The following LRRIQ3 variants were observed in gnomAD, a reference collection of about 807,000 sequenced individuals.
LRRIQ3 encodes the protein leucine-rich repeat and IQ domain-containing protein 3.
Under a neutral mutation model 59.3 loss-of-function variants are expected in LRRIQ3, and 75 were observed. That is an observed-to-expected ratio of 1.26 (90% CI 1.05 to 1.53). LRRIQ3 has a LOEUF of 1.53. Ranked by LOEUF, LRRIQ3 falls within the 40% of genes most tolerant of loss-of-function variation. The pLI is 0.00. For missense variants in LRRIQ3, 831 were observed against 710.0 expected (o/e 1.17, Z -1.94); for synonymous variants, 250 against 231.3 (o/e 1.08, Z -0.73).
chr1:74,191,213 T>C (rs749483833), intron 1 of LRRIQ3, among the ~76,000 whole-genome samples: 13 of 152,124 alleles, frequency 8.5e-5, no homozygotes, highest in Non-Finnish European at 1.8e-4. Context: ...AATTATTCTT[T>C]AAAAGTGAAA....
chr1:74,052,112 A>C (rs957981524), intron 6 of LRRIQ3, among the ~76,000 whole-genome samples: 2 of 152,038 alleles, frequency 1.3e-5, no homozygotes, highest in East Asian at 1.9e-4. Context: ...TAAGATCAGG[A>C]TCTTAATTTG....
At chr1:74,183,400 G>A (rs369447615) in intron 2 of LRRIQ3, 36 bp downstream of exon 2, 146 of 1,493,420 alleles carry the variant, frequency 9.8e-5, no homozygotes, top group East Asian at 4.9e-4. Flanking sequence ...CTGAAATTTC[G>A]TTTATATGCA....
intron 5 of LRRIQ3, among the ~76,000 whole-genome samples, chr1:74,075,562 G>A (rs886572651): frequency 6.0e-5 from 9 of 150,160 alleles, no homozygotes; most frequent in East Asian, 5.9e-4. Context: ...GCGAGACTCC[G>A]TCTCAGAAAA....
At chr1:74,126,367 C>T (rs1372988630) in intron 4 of LRRIQ3, among the ~76,000 whole-genome samples, 1 of 151,656 alleles carries the variant, frequency 6.6e-6, no homozygotes, top group Admixed American at 6.6e-5. Flanking sequence ...CTGCTCTGAT[C>T]TTTATTACGA....
chr1:74,081,909 A>G (rs1407864655), intron 5 of LRRIQ3: 1 of 151,438 alleles, frequency 6.6e-6, no homozygotes, highest in African/African-American at 2.4e-5. Flanking sequence ...AGTTATGTCC[A>G]TTGCTCACCC....
At position 74,055,103 on chromosome 1, in the gene LRRIQ3, A is replaced by AC. The variant is rs1234584882; in HGVS notation, c.998-13171dup. Among the ~76,000 whole-genome samples, 11 of 148,260 alleles carry AC rather than the reference A, an allele frequency of 7.4e-5. No homozygotes were observed. The South Asian group carries it at 2.3e-3, about 31-fold the overall frequency. ...CTTTGCCACTTTTTATCACAGAATA[A>AC]CACAACCATCATGACATGTATGCAC... is the stretch of plus-strand genomic sequence containing the variant. On this transcript the variant is annotated intron_variant, in intron 6 of 7. Coordinates refer to ENST00000354431, the MANE Select transcript of LRRIQ3 (RefSeq NM_001105659.2).
At chr1:74,179,196 A>G (rs191194758) in intron 3 of LRRIQ3, among the ~76,000 whole-genome samples, 1 of 152,168 alleles carries the variant, frequency 6.6e-6, no homozygotes, top group African/African-American at 2.4e-5. Context: ...CTTCTATGAT[A>G]TGATTTTAGA....
chr1:74,128,012 T>C (rs1322722414), intron 4 of LRRIQ3, among the ~76,000 whole-genome samples: 1 of 152,056 alleles, frequency 6.6e-6, no homozygotes, highest in Admixed American at 6.6e-5. Context: ...ACAGCTTTTT[T>C]TCCTTCAGCA....
intron 4 of LRRIQ3, among the ~76,000 whole-genome samples, chr1:74,124,522 G>A (rs948683233): frequency 2.6e-5 from 4 of 151,880 alleles, no homozygotes; most frequent in Non-Finnish European, 5.9e-5. Context: ...AATCCATTTT[G>A]ATGTGATTTT....
chr1:74,063,138 A>G (rs1286347531), intron 6 of LRRIQ3, among the ~76,000 whole-genome samples: 1 of 151,450 alleles, frequency 6.6e-6, no homozygotes, highest in Non-Finnish European at 1.5e-5. Flanking sequence ...AACAACAACA[A>G]CAACAACAAC....
rs1648279930 is a variant in LRRIQ3 at position 74,155,746 on chromosome 1, T to G, written c.694A>C (p.Arg232=). 1.3e-6 allele frequency: 2 copies of G among 1,570,066 alleles called. No individual in the cohort carries two copies. The highest frequency in any genetic ancestry group is 4.2e-5 in the Admixed American group (2 of 47,462). The change falls in exon 4 of 8, where the codon AGA becomes CGA. Residue 232 remains arginine (R), a synonymous_variant. Transcript: ENST00000354431. The part of the protein sequence containing the change: ...VQRWIRGFLV[R]KNLSPVFFHK... Reference sequence around the variant, plus strand: ...AACAAAACATACCTCAAATTTTTTCTAACTAAGAAACCACGTATCCATCTT... The same window carrying G: ...AACAAAACATACCTCAAATTTTTTCGAACTAAGAAACCACGTATCCATCTT...
At chr1:74,078,994 T>C (rs1646241832) in intron 5 of LRRIQ3, among the ~76,000 whole-genome samples, 1 of 151,894 alleles carries the variant, frequency 6.6e-6, no homozygotes, top group Non-Finnish European at 1.5e-5. Flanking sequence ...TTCCAAAATA[T>C]ATTTTAAATA....
intron 3 of LRRIQ3, among the ~76,000 whole-genome samples, chr1:74,157,685 GT>G (rs1043595114): frequency 6.6e-6 from 1 of 151,422 alleles, no homozygotes; most frequent in Non-Finnish European, 1.5e-5. Flanking sequence ...ACTTCTTTCA[GT>G]TTTCCTCTAA....
intron 6 of LRRIQ3, among the ~76,000 whole-genome samples, chr1:74,073,174 GAT>G (rs1655074268): frequency 6.6e-6 from 1 of 152,014 alleles, no homozygotes; most frequent in Non-Finnish European, 1.5e-5. Flanking sequence ...GGCCACCGTT[GAT>G]ATCTATGTTC....
chr1:74,164,795 A>C (rs1420975077), intron 3 of LRRIQ3, among the ~76,000 whole-genome samples: 1 of 151,590 alleles, frequency 6.6e-6, no homozygotes, highest in Non-Finnish European at 1.5e-5. Context: ...TACATCTTAC[A>C]CAACTGCTTG....
In LRRIQ3 at chr1:74,041,474, A is replaced by G. The variant is rs773321172; in HGVS notation, c.1457T>C (p.Val486Ala). 6.2e-7 allele frequency: 1 copy of G among 1,613,482 alleles called. No homozygotes were observed. The highest frequency in any genetic ancestry group is 2.2e-5 in the East Asian group (1 of 44,842). Residue 486 changes from valine to alanine, a missense_variant, in exon 7 of 8, where the codon GTT becomes GCT. By Grantham distance (64) the Val-to-Ala change is moderately conservative (BLOSUM62 0). Transcript: ENST00000354431. ...KETIQNSLRQVWQNRFNYLEK... is the reference protein window; with the variant it reads ...KETIQNSLRQAWQNRFNYLEK... ...AAGGTAGTTGAATCTGTTTTGCCAA[A>G]CTTGTCGTAAACTGTTCTGAATTGT... is the stretch of plus-strand genomic sequence containing the variant.
intron 5 of LRRIQ3, among the ~76,000 whole-genome samples, chr1:74,097,196 C>G (rs1646461495): frequency 1.3e-5 from 2 of 152,068 alleles, no homozygotes; most frequent in Non-Finnish European, 2.9e-5. Context: ...CTAGAATAAC[C>G]AGTGTAGAGA....
chr1:74,031,446 G>T (rs1358110771), intron 7 of LRRIQ3, among the ~76,000 whole-genome samples: 2 of 152,092 alleles, frequency 1.3e-5, no homozygotes, highest in Non-Finnish European at 2.9e-5. Context: ...AAAATGATGA[G>T]TTCATGTCCT....
intron 4 of LRRIQ3, among the ~76,000 whole-genome samples, chr1:74,148,514 G>A (rs1647720045): frequency 6.6e-6 from 1 of 152,130 alleles, no homozygotes; most frequent in South Asian, 2.1e-4. Context: ...TTGTGGTTAG[G>A]CCAGTCCTTG....
Sources: gnomAD v4.1 joint callset for allele counts (sites outside exome capture counted in the v4.1 genomes callset) on GRCh38, gnomAD v4.1.1 for gene constraint, MANE v1.5 for transcripts, NCBI Gene and HGNC (gene_info 2026-07-23, HGNC 2026-07-21) for gene names.